The following TTC29 variants were observed in gnomAD, a reference collection of about 807,000 sequenced individuals.
The protein encoded by TTC29 is tetratricopeptide repeat domain 29, also known as tetratricopeptide repeat protein 29.
In TTC29, 49 loss-of-function variants were observed where a neutral mutation model predicts 58.1. That is an observed-to-expected ratio of 0.84 (90% confidence interval 0.67 to 1.07). The LOEUF (loss-of-function observed/expected upper bound fraction) is 1.07, where lower values mean the gene tolerates loss of function less well. Among genes scored for constraint, TTC29 ranks in the 50% least tolerant of loss-of-function variants. The pLI is 0.00. For synonymous variants in TTC29, 209 were observed against 196.8 expected, an observed-to-expected ratio of 1.06 and a Z score of -0.52; for missense variants, 582 against 555.6, an observed-to-expected ratio of 1.05 and a Z score of -0.48.
chr4:146,879,517 C>T (rs1731487376), intron 6 of TTC29, among the ~76,000 whole-genome samples: 1 of 152,154 alleles, frequency 6.6e-6, no homozygotes, highest in South Asian at 2.1e-4. Context: ...ATATGGTGAT[C>T]ACTTTTACTA....
intron 4 of TTC29, among the ~76,000 whole-genome samples, chr4:146,926,301 C>T (rs1336056769): frequency 3.9e-5 from 6 of 152,036 alleles, no homozygotes; most frequent in Non-Finnish European, 8.8e-5. Context: ...ATTCTGTAGT[C>T]CTTCGCATCT....
At chr4:146,891,367 A>G (rs1306625160) in intron 6 of TTC29, among the ~76,000 whole-genome samples, 1 of 152,160 alleles carries the variant, frequency 6.6e-6, no homozygotes, top group East Asian at 1.9e-4. Context: ...AAGGCTATAG[A>G]GCTATAGGTA....
At chr4:146,906,838 TG>T (rs1387131101) in intron 5 of TTC29, among the ~76,000 whole-genome samples, 5 of 152,238 alleles carry the variant, frequency 3.3e-5, no homozygotes, top group Admixed American at 3.3e-4. Flanking sequence ...CTTTGGACTT[TG>T]GGCCAGGTGC....
intron 11 of TTC29, among the ~76,000 whole-genome samples, chr4:146,708,244 A>C (rs2149985124): frequency 6.7e-6 from 1 of 149,982 alleles, no homozygotes; most frequent in African/African-American, 2.5e-5. Context: ...AATAATACTC[A>C]AAAGGAAAAT....
At chr4:146,824,197 C>T (rs940032516) in intron 9 of TTC29, among the ~76,000 whole-genome samples, 1 of 152,132 alleles carries the variant, frequency 6.6e-6, no homozygotes, top group Non-Finnish European at 1.5e-5. Flanking sequence ...AAAGGAAATG[C>T]TTTCAGCTTT....
intron 4 of TTC29, among the ~76,000 whole-genome samples, chr4:146,930,002 T>C (rs1735196924): frequency 6.7e-6 from 1 of 148,196 alleles, no homozygotes; most frequent in Non-Finnish European, 1.5e-5. Flanking sequence ...CACATACATA[T>C]ATACACACAA....
At chr4:146,917,852 T>C (rs1734341471) in intron 4 of TTC29, among the ~76,000 whole-genome samples, 1 of 149,834 alleles carries the variant, frequency 6.7e-6, no homozygotes, top group Non-Finnish European at 1.5e-5. Context: ...TTCTTAGAAT[T>C]GCTATCCAAA....
chr4:146,837,536 G>C (rs1226812046), intron 8 of TTC29, among the ~76,000 whole-genome samples: 2 of 152,050 alleles, frequency 1.3e-5, no homozygotes, highest in Non-Finnish European at 2.9e-5. Flanking sequence ...CTGTTTTATA[G>C]TAGGCAACTT....
intron 4 of TTC29, among the ~76,000 whole-genome samples, chr4:146,910,843 A>C (rs1733850252): frequency 6.6e-6 from 1 of 152,216 alleles, no homozygotes; most frequent in Non-Finnish European, 1.5e-5. Flanking sequence ...GAAATGGGGA[A>C]GAGAAAAGGA....
chr4:146,730,152 T>C (rs1744220336), intron 11 of TTC29, among the ~76,000 whole-genome samples: 1 of 152,164 alleles, frequency 6.6e-6, no homozygotes, highest in South Asian at 2.1e-4. Flanking sequence ...TACATTCTCC[T>C]CATATTTTTC....
chr4:146,760,027 C>T (rs1746757620), intron 11 of TTC29, among the ~76,000 whole-genome samples: 1 of 151,888 alleles, frequency 6.6e-6, no homozygotes, highest in South Asian at 2.1e-4. Context: ...GATTGTTTAC[C>T]TTTAATACCC....
At chr4:146,818,125 C>T (rs1751547713) in intron 10 of TTC29, among the ~76,000 whole-genome samples, 2 of 152,280 alleles carry the variant, frequency 1.3e-5, no homozygotes, top group Admixed American at 6.5e-5. Flanking sequence ...GAAAAAGAAA[C>T]TACCATCAGA....
chr4:146,860,769 A>T, intron 8 of TTC29, among the ~76,000 whole-genome samples: 1 of 152,174 alleles, frequency 6.6e-6, no homozygotes, highest in Non-Finnish European at 1.5e-5. Flanking sequence ...AAAACCTCAG[A>T]TGAGGGAAGA....
At chr4:146,746,560 G>A (rs1203418753) in intron 11 of TTC29, among the ~76,000 whole-genome samples, 1 of 151,968 alleles carries the variant, frequency 6.6e-6, no homozygotes, top group African/African-American at 2.4e-5. Context: ...AAAAAATTTT[G>A]GTTTACAAGT....
chr4:146,937,073 T>C (rs1735891495), intron 4 of TTC29, among the ~76,000 whole-genome samples: 1 of 152,042 alleles, frequency 6.6e-6, no homozygotes, highest in Non-Finnish European at 1.5e-5. Flanking sequence ...TTCTAACTGG[T>C]GATAAAATGT....
chr4:146,934,854 A>G (rs1735649572), intron 4 of TTC29, among the ~76,000 whole-genome samples: 1 of 152,170 alleles, frequency 6.6e-6, no homozygotes, highest in Non-Finnish European at 1.5e-5. Context: ...ATGTGATAAA[A>G]ATAGGGGTCA....
At position 146,776,652 on chromosome 4, in the gene TTC29, G is replaced by T. The variant is rs577115713; in HGVS notation, c.1330+26805C>A. Among the ~76,000 whole-genome samples, 37 of 152,276 alleles carry T rather than the reference G, an allele frequency of 2.4e-4. No homozygotes were observed. In the South Asian group the frequency reaches 7.1e-3, roughly 29 times the overall value. On this transcript the variant is annotated intron_variant, in intron 11 of 12. Coordinates refer to ENST00000325106, the MANE Select transcript of TTC29 (RefSeq NM_031956.4). ...TGGAGGTTAGGAATCTGCTGCCAAGGTGCTCCTGGTCCGCTGGCCACAGCA... is the reference window on the plus strand; with the variant it reads ...TGGAGGTTAGGAATCTGCTGCCAAGTTGCTCCTGGTCCGCTGGCCACAGCA...
intron 11 of TTC29, among the ~76,000 whole-genome samples, chr4:146,759,941 T>C (rs1746750863): frequency 6.6e-6 from 1 of 151,934 alleles, no homozygotes; most frequent in Non-Finnish European, 1.5e-5. Context: ...GCCAGAACAA[T>C]CAGACAAGAG....
chr4:146,906,235 T>C (rs1051189929), intron 5 of TTC29, among the ~76,000 whole-genome samples: 19 of 152,164 alleles, frequency 1.2e-4, no homozygotes, highest in African/African-American at 4.6e-4. Flanking sequence ...AATGATTGGC[T>C]TACTTTAAAC....
Sources: gnomAD v4.1 joint callset for allele counts (sites outside exome capture counted in the v4.1 genomes callset) on GRCh38, gnomAD v4.1.1 for gene constraint, MANE v1.5 for transcripts, NCBI Gene and HGNC (gene_info 2026-07-23, HGNC 2026-07-21) for gene names.